Variants in AFF3 observed in about 807,000 individuals in gnomAD.
The protein encoded by AFF3 is AF4/FMR2 family member 3.
A neutral mutation model predicts 129.7 loss-of-function variants in AFF3; 32 were observed. That is an observed-to-expected ratio of 0.25 (90% CI 0.19 to 0.33). AFF3 has a LOEUF of 0.33. Ranked by LOEUF, AFF3 falls within the 10% of genes least tolerant of loss-of-function variation. AFF3 has a pLI of 1.00. For synonymous variants in AFF3, 644 were observed against 635.4 expected (o/e 1.01, Z -0.20); for missense variants, 1,373 against 1,592.0 (o/e 0.86, Z 2.34).
intron 4 of AFF3, among the ~76,000 whole-genome samples, chr2:100,098,825 T>C (rs1690482847): frequency 9.6e-6 from 1 of 104,252 alleles, no homozygotes; most frequent in Non-Finnish European, 2.0e-5. Flanking sequence ...CACCCAGCTT[T>C]CTCCAAAACA....
At chr2:100,064,365 C>T (rs1687551340) in intron 4 of AFF3, among the ~76,000 whole-genome samples, 1 of 152,124 alleles carries the variant, frequency 6.6e-6, no homozygotes, top group African/African-American at 2.4e-5. Flanking sequence ...TGACACTAAA[C>T]CTACCTCCTC....
intron 15 of AFF3, among the ~76,000 whole-genome samples, chr2:99,590,322 T>C (rs1051691069): frequency 1.3e-5 from 2 of 152,242 alleles, no homozygotes; most frequent in African/African-American, 4.8e-5. Context: ...GAACCTGCCC[T>C]GCAGAAACAG....
intron 13 of AFF3, among the ~76,000 whole-genome samples, chr2:99,618,816 C>T (rs553595871): frequency 2.0e-4 from 30 of 152,306 alleles, no homozygotes; most frequent in Admixed American, 5.9e-4. Flanking sequence ...AGTTTTCTAA[C>T]ACGACCTCTC....
chr2:99,986,333 C>T (rs1021206988), intron 7 of AFF3, among the ~76,000 whole-genome samples: 6 of 151,660 alleles, frequency 4.0e-5, no homozygotes, highest in Non-Finnish European at 8.8e-5. Context: ...CCTCTTCAAG[C>T]GGCAAAATCC....
intron 7 of AFF3, among the ~76,000 whole-genome samples, chr2:99,890,239 A>T (rs1238814669): frequency 6.6e-6 from 1 of 152,206 alleles, no homozygotes; most frequent in Non-Finnish European, 1.5e-5. Context: ...CCAATGAGGC[A>T]GCAGCAAGGG....
chr2:99,979,192 G>A (rs1053444588), intron 7 of AFF3, among the ~76,000 whole-genome samples: 1 of 152,154 alleles, frequency 6.6e-6, no homozygotes, highest in African/African-American at 2.4e-5. Flanking sequence ...ACCCTGCAGT[G>A]TGTTATATAC....
intron 11 of AFF3, among the ~76,000 whole-genome samples, chr2:99,699,809 A>G (rs1188298010): frequency 6.6e-6 from 1 of 152,146 alleles, no homozygotes; most frequent in Non-Finnish European, 1.5e-5. Context: ...TCAGAACCAT[A>G]ATGGTTTCTG....
intron 7 of AFF3, among the ~76,000 whole-genome samples, chr2:99,863,886 T>G (rs1254783995): frequency 3.9e-5 from 6 of 152,194 alleles, no homozygotes; most frequent in Non-Finnish European, 8.8e-5. Flanking sequence ...AAACTCTCCA[T>G]GTTGGAAATG....
intron 7 of AFF3, among the ~76,000 whole-genome samples, chr2:99,941,143 C>A (rs1301389253): frequency 6.7e-6 from 1 of 150,318 alleles, no homozygotes; most frequent in Admixed American, 6.6e-5. Flanking sequence ...GAAAAACTAA[C>A]CCCTGCCAAG....
At chr2:99,722,083 G>A (rs1437147120) in intron 11 of AFF3, among the ~76,000 whole-genome samples, 1 of 152,048 alleles carries the variant, frequency 6.6e-6, no homozygotes, top group African/African-American at 2.4e-5. Flanking sequence ...CAGTTCCAGA[G>A]TTTTCATTTG....
At chr2:99,770,084 TC>T (rs939511061) in intron 8 of AFF3, among the ~76,000 whole-genome samples, 1 of 152,188 alleles carries the variant, frequency 6.6e-6, no homozygotes, top group Admixed American at 6.5e-5. Context: ...GGCAGCGAGT[TC>T]CCCCAGCTGG....
In AFF3 at chr2:99,942,921, G is replaced by A. The variant is rs142433790; in HGVS notation, c.873+63711C>T. Among the ~76,000 whole-genome samples the A allele has an allele frequency of 1.4e-3, 215 of 152,138 alleles. 2 individuals are homozygous for A. Among genetic ancestry groups the A allele is most frequent in the African/African-American group, 4.7e-3 (195 of 41,496 alleles). On this transcript the variant is annotated intron_variant, in intron 7 of 24. Coordinates refer to ENST00000672756, the MANE Select transcript of AFF3 (RefSeq NM_001386135.1). ...TTCCCTGAAGAGCAATATGGATGCC[G>A]TCTCCCTCCAAGTATAAGACTTGGG... is the stretch of plus-strand genomic sequence containing the variant.
chr2:100,084,627 G>A lies in AFF3; in HGVS notation c.53+19775C>T, dbSNP rs1419756026. On this transcript the variant is annotated intron_variant, in intron 4 of 24. Transcript: ENST00000672756. ...CATGTAACAAAATATTATATTATAC[G>A]TACCCTATAAAAATGTGCACGTATT... Among the ~76,000 whole-genome samples, 9 of 151,628 alleles carry A rather than the reference G, an allele frequency of 5.9e-5. No individual in the cohort carries two copies. In the South Asian group the frequency reaches 8.3e-4, roughly 14 times the overall value.
chr2:99,555,264 C>A (rs965846676), intron 22 of AFF3, among the ~76,000 whole-genome samples: 1 of 152,134 alleles, frequency 6.6e-6, no homozygotes, highest in African/African-American at 2.4e-5. Context: ...AGCAGGAACA[C>A]CCTCATATCT....
rs1043811347 is a variant in AFF3, at chr2:99,750,401, CTT to C, written c.1002+1818_1002+1819del. 1.9e-3 allele frequency among the ~76,000 whole-genome samples: 104 copies of C among 55,468 alleles called. 5 individuals carry two copies. In the East Asian group the frequency reaches 0.096, roughly 51 times the overall value. The allele number at this position is 55,468 out of a possible 152,430, so 36.4% of individuals were successfully genotyped here. Reference sequence around the variant, plus strand: ...CATTGGCAAAGATATGTAAAAAGTACTTTTTTTTTTTCTTTTCTTTTTTTTTT... The same window carrying C: ...CATTGGCAAAGATATGTAAAAAGTACTTTTTTTTTCTTTTCTTTTTTTTTT... On this transcript the variant is annotated intron_variant, in intron 9 of 24. Coordinates refer to ENST00000672756, the MANE Select transcript of AFF3 (RefSeq NM_001386135.1).
At chr2:99,606,526 G>GA (rs769244325) in intron 13 of AFF3, among the ~76,000 whole-genome samples, 42 of 151,894 alleles carry the variant, frequency 2.8e-4, no homozygotes, top group Non-Finnish European at 5.2e-4. Flanking sequence ...AAAGTAAAGA[G>GA]AAAAAATCCA....
intron 7 of AFF3, among the ~76,000 whole-genome samples, chr2:99,933,745 T>C (rs1019999035): frequency 1.4e-4 from 21 of 152,184 alleles, no homozygotes; most frequent in Admixed American, 5.2e-4. Flanking sequence ...CAGTCTATCA[T>C]TGATGGGCAT....
At chr2:99,914,984 G>T (rs148936993) in intron 7 of AFF3, among the ~76,000 whole-genome samples, 65 of 152,158 alleles carry the variant, frequency 4.3e-4, no homozygotes, top group African/African-American at 1.5e-3. Flanking sequence ...CTCTGTAGAT[G>T]TGTAACACAT....
chr2:99,874,132 G>T (rs78297593), intron 7 of AFF3, among the ~76,000 whole-genome samples: 1 of 152,208 alleles, frequency 6.6e-6, no homozygotes, highest in East Asian at 1.9e-4. Context: ...AGTCGAGATC[G>T]CGCCACTGCA....
Sources: gnomAD v4.1 joint callset for allele counts (sites outside exome capture counted in the v4.1 genomes callset) on GRCh38, gnomAD v4.1.1 for gene constraint, MANE v1.5 for transcripts, NCBI Gene and HGNC (gene_info 2026-07-23, HGNC 2026-07-21) for gene names.